The following ESCO2 variants were observed in gnomAD, a reference collection of about 807,000 sequenced individuals.
ESCO2 encodes establishment of sister chromatid cohesion N-acetyltransferase 2.
ESCO2 carries 51 observed loss-of-function variants against 61.7 expected under a neutral mutation model. The observed-to-expected ratio is 0.83, with a 90% confidence interval of 0.66 to 1.04. The LOEUF (loss-of-function observed/expected upper bound fraction) is 1.04. Ranked by LOEUF, ESCO2 falls within the 50% of genes least tolerant of loss-of-function variation. The pLI is 0.00. For synonymous variants in ESCO2, 230 were observed against 238.2 expected (o/e 0.97, Z 0.32); for missense variants, 692 against 686.2 (o/e 1.01, Z -0.09).
chr8:27,793,479 GT>G (rs67670087), intron 9 of ESCO2, among the ~76,000 whole-genome samples: 58,791 of 125,098 alleles, frequency 0.47, 8,771 homozygotes, highest in Middle Eastern at 0.6. Flanking sequence ...CTTTTTCTTT[GT>G]TTTTTTTTTT....
chr8:27,812,935 A>G (rs1187861435), downstream of ESCO2, among the ~76,000 whole-genome samples: 1 of 152,208 alleles, frequency 6.6e-6, no homozygotes, highest in Non-Finnish European at 1.5e-5. Context: ...ATCTAGAACT[A>G]GAAATACCAT....
chr8:27,777,406 A>G (rs558592287), intron 3 of ESCO2: 7 of 302,626 alleles, frequency 2.3e-5, no homozygotes, highest in Admixed American at 4.9e-5. Flanking sequence ...GGCTCAAGCA[A>G]TCCCACCTCA....
chr8:27,775,543 A>AGC lies in ESCO2; in HGVS notation c.30_31dup (p.Gln11ArgfsTer5). 6.2e-7 allele frequency: 1 copy of AGC among 1,614,170 alleles called. No homozygotes were observed. ...GCAGCTCTTACTCCAAGGAAGAGGA[A>AGC]GCAGGATTCTTTGAAGTGTGACAGG... On this transcript the variant is annotated frameshift_variant, in exon 2 of 11. Coordinates refer to ENST00000305188, the MANE Select transcript of ESCO2 (RefSeq NM_001017420.3). LOFTEE classifies it high-confidence loss of function.
chr8:27,794,997 C>T (rs1323006773), intron 9 of ESCO2, among the ~76,000 whole-genome samples: 2 of 151,986 alleles, frequency 1.3e-5, no homozygotes, highest in Non-Finnish European at 2.9e-5. Flanking sequence ...ATTGCTTTGG[C>T]CGTTTGGAAT....
intron 7 of ESCO2, among the ~76,000 whole-genome samples, chr8:27,790,319 G>A (rs1805148464): frequency 6.6e-6 from 1 of 151,940 alleles, no homozygotes; most frequent in African/African-American, 2.4e-5. Flanking sequence ...CTTTTTTTAA[G>A]GTTTGAATTT....
At chr8:27,811,102 C>T (rs1805672313), downstream of ESCO2, 1 of 1,613,784 alleles carries the variant, frequency 6.2e-7, no homozygotes. Context: ...TTCCATGGCT[C>T]TGTGCCAATG....
intron 9 of ESCO2, among the ~76,000 whole-genome samples, chr8:27,798,435 G>C (rs1217427205): frequency 6.6e-6 from 1 of 151,540 alleles, no homozygotes; most frequent in Non-Finnish European, 1.5e-5. Context: ...ATCCAGCCTG[G>C]GCCACAGAGT....
chr8:27,816,684 A>G (rs954398979), downstream of ESCO2, among the ~76,000 whole-genome samples: 15 of 151,992 alleles, frequency 9.9e-5, no homozygotes, highest in Non-Finnish European at 1.6e-4. Flanking sequence ...CCAGAATACT[A>G]TATTTTAGTT....
At chr8:27,799,452 T>A in intron 9 of ESCO2, 89 bp from the exon 10 acceptor site, 2 of 1,324,038 alleles carry the variant, frequency 1.5e-6, no homozygotes, top group Non-Finnish European at 1.1e-6. Flanking sequence ...ATAAGTTAAA[T>A]TTTTGATACT....
In ESCO2 at chr8:27,803,955, G is replaced by C. The variant is rs551132676; in HGVS notation, c.*517G>C. On this transcript the variant is annotated 3_prime_UTR_variant, in exon 11 of 11. Coordinates refer to ENST00000305188, the MANE Select transcript of ESCO2 (RefSeq NM_001017420.3). ...TGGGTCTCACTGTGTTGCCCAGGCT[G>C]GTCTGAAACTTTTGGGCTCAAGCGA... The C allele has an allele frequency of 2.3e-5, 23 of 986,830 alleles. No homozygotes were observed. The African/African-American group carries it at 3.7e-4, about 16-fold the overall frequency. 61.1% of individuals were successfully genotyped at this position (986,830 alleles called of 1,614,324 possible).
At chr8:27,779,853 G>C in intron 3 of ESCO2, 1 of 252,464 alleles carries the variant, frequency 4.0e-6, no homozygotes, top group South Asian at 4.8e-5. Flanking sequence ...TTTTAGTAGA[G>C]ATAGGGTTTC....
At chr8:27,783,562 CTAATA>C (rs1360772217) in intron 4 of ESCO2, among the ~76,000 whole-genome samples, 1 of 151,994 alleles carries the variant, frequency 6.6e-6, no homozygotes, top group Non-Finnish European at 1.5e-5. Flanking sequence ...AGATTTTTCC[CTAATA>C]TTTTTTCTAG....
intron 6 of ESCO2, among the ~76,000 whole-genome samples, chr8:27,788,633 A>G (rs1489809191): frequency 6.6e-6 from 1 of 152,016 alleles, no homozygotes; most frequent in Admixed American, 6.5e-5. Flanking sequence ...TGCCGAGATT[A>G]CAGGCGTGAG....
downstream of ESCO2, among the ~76,000 whole-genome samples, chr8:27,816,943 T>C (rs561878465): frequency 6.6e-6 from 1 of 152,254 alleles, no homozygotes; most frequent in Non-Finnish European, 1.5e-5. Flanking sequence ...TAGTCTGTTC[T>C]GCTACAATGT....
chr8:27,780,606 A>T (rs1207327245), intron 4 of ESCO2, among the ~76,000 whole-genome samples: 1 of 152,220 alleles, frequency 6.6e-6, no homozygotes, highest in Non-Finnish European at 1.5e-5. Flanking sequence ...AGAAGTTAAA[A>T]CTATTATGTA....
the ESCO2 span, among the ~76,000 whole-genome samples, chr8:27,817,850 C>A: frequency 6.6e-6 from 1 of 152,144 alleles, no homozygotes; most frequent in Non-Finnish European, 1.5e-5. Context: ...CTTTCTAGAG[C>A]AGTATTGTTC....
intron 9 of ESCO2, among the ~76,000 whole-genome samples, chr8:27,796,929 T>A (rs1461700136): frequency 6.6e-6 from 1 of 152,130 alleles, no homozygotes; most frequent in Non-Finnish European, 1.5e-5. Context: ...AAGAACAGCC[T>A]GGGCAACATA....
chr8:27,784,150 G>GT lies in ESCO2; in HGVS notation c.1013+102dup, dbSNP rs200919382. On this transcript the variant is annotated intron_variant, in intron 5 of 10. Coordinates refer to ENST00000305188, the MANE Select transcript of ESCO2 (RefSeq NM_001017420.3). ...AGTCTCATGCTACTTAATTTGGGGA[G>GT]TTTTTTTTTCTTCCTCACTAAGGGG... 3,002 of 1,207,702 alleles carry GT rather than the reference G, an allele frequency of 2.5e-3. 9 individuals carry two copies. The highest frequency in any genetic ancestry group is 0.011 in the African/African-American group (738 of 65,228). 74.8% of individuals were successfully genotyped at this position (1,207,702 alleles called of 1,614,324 possible). A position where few individuals can be genotyped will look rare whatever the true frequency, so the allele number is the denominator to read the frequency against.
At chr8:27,786,385 A>G (rs945812241) in intron 5 of ESCO2, among the ~76,000 whole-genome samples, 4 of 152,194 alleles carry the variant, frequency 2.6e-5, no homozygotes, top group African/African-American at 9.6e-5. Context: ...GTGATTGCTA[A>G]CAGGCTTCAA....
Sources: allele counts gnomAD v4.1 joint callset (sites outside exome capture counted in the v4.1 genomes callset), GRCh38; gene constraint gnomAD v4.1.1; transcripts MANE v1.5; gene names NCBI Gene and HGNC (gene_info 2026-07-23, HGNC 2026-07-21).